SUZ12: variants seen among roughly 807,000 people sequenced by gnomAD.
SUZ12 encodes polycomb protein SUZ12.
In SUZ12, 17 loss-of-function variants were observed where a neutral mutation model predicts 87.3. The ratio of observed to expected loss-of-function variants is 0.19; its 90% CI spans 0.13 to 0.29. The LOEUF (loss-of-function observed/expected upper bound fraction) is 0.29, where lower values mean the gene tolerates loss of function less well. SUZ12 is among the 10% of genes least tolerant of loss of function. The pLI is 1.00. For missense variants in SUZ12, 526 were observed against 912.2 expected, an observed-to-expected ratio of 0.58 and a Z score of 5.45; for synonymous variants, 253 against 312.4, an observed-to-expected ratio of 0.81 and a Z score of 2.01.
At chr17:31,976,741 A>G (rs1908776566) in intron 8 of SUZ12, 127 bp downstream of exon 8, 1 of 724,266 alleles carries the variant, frequency 1.4e-6, no homozygotes, top group Non-Finnish European at 2.2e-6. Flanking sequence ...GGATGAAAAA[A>G]CAAATTTGCA....
At chr17:31,986,252 C>G (rs550563071) in intron 9 of SUZ12, among the ~76,000 whole-genome samples, 51 of 152,078 alleles carry the variant, frequency 3.4e-4, no homozygotes, top group Admixed American at 1.1e-3. Flanking sequence ...TATCTGGAAG[C>G]TCTTAACCCT....
chr17:31,965,493 T>C (rs1028054005), intron 4 of SUZ12, among the ~76,000 whole-genome samples: 3 of 152,232 alleles, frequency 2.0e-5, no homozygotes, highest in African/African-American at 7.2e-5. Flanking sequence ...TGCTTGCTTT[T>C]GCTTTTCCAT....
At chr17:31,988,633 C>A (rs1909538763) in intron 10 of SUZ12, 136 bp downstream of exon 10, 3 of 915,468 alleles carry the variant, frequency 3.3e-6, no homozygotes, top group East Asian at 3.0e-5. Flanking sequence ...TGCTCTGTTG[C>A]CCAGGCAGGA....
chr17:31,995,477 A>G (rs1460120109), intron 13 of SUZ12, 87 bp from the exon 14 acceptor site: 1 of 1,014,460 alleles, frequency 9.9e-7, no homozygotes, highest in Non-Finnish European at 1.5e-6. Context: ...GTGATGTTGC[A>G]GATTATCACA....
At chr17:31,981,312 A>G (rs1909088792) in intron 8 of SUZ12, among the ~76,000 whole-genome samples, 1 of 152,236 alleles carries the variant, frequency 6.6e-6, no homozygotes, top group Non-Finnish European at 1.5e-5. Flanking sequence ...GAAGTTTACC[A>G]AAATAGATAC....
intron 5 of SUZ12, among the ~76,000 whole-genome samples, chr17:31,969,917 T>A (rs1451640297): frequency 1.3e-5 from 2 of 152,096 alleles, no homozygotes; most frequent in African/African-American, 4.8e-5. Context: ...TTTTTTCTTC[T>A]TATTTTCTTA....
At chr17:31,938,405 A>G (rs1246485716) in intron 1 of SUZ12, among the ~76,000 whole-genome samples, 3 of 152,184 alleles carry the variant, frequency 2.0e-5, no homozygotes, top group Non-Finnish European at 2.9e-5. Flanking sequence ...TCTACCGCCC[A>G]GTGTCCTTAT....
chr17:31,973,354 G>T (rs972931108), intron 6 of SUZ12, 123 bp downstream of exon 6: 215 of 769,736 alleles, frequency 2.8e-4, no homozygotes, highest in Non-Finnish European at 3.9e-4. Flanking sequence ...GAAATGTGTT[G>T]ATGGCCTAAT....
chr17:31,961,375 C>T (rs1007457779), intron 4 of SUZ12, among the ~76,000 whole-genome samples: 6 of 152,050 alleles, frequency 3.9e-5, no homozygotes, highest in African/African-American at 1.2e-4. Context: ...GGTGAAACCT[C>T]ATCTCTACTA....
At chr17:31,974,398 G>T (rs1445682551) in intron 6 of SUZ12, among the ~76,000 whole-genome samples, 1 of 152,090 alleles carries the variant, frequency 6.6e-6, no homozygotes, top group Non-Finnish European at 1.5e-5. Context: ...GTGGTGATGG[G>T]CACCTGTAGT....
chr17:31,972,783 C>T (rs1302147785), intron 5 of SUZ12, among the ~76,000 whole-genome samples: 1 of 149,846 alleles, frequency 6.7e-6, no homozygotes, highest in Non-Finnish European at 1.5e-5. Flanking sequence ...ACTCAGGAGG[C>T]TGCCGTGCTG....
intron 4 of SUZ12, among the ~76,000 whole-genome samples, chr17:31,965,475 C>A (rs1190453521): frequency 2.4e-4 from 36 of 152,212 alleles, no homozygotes; most frequent in Admixed American, 2.3e-3. Flanking sequence ...AGCACTAGTT[C>A]TAGTTCATGC....
In SUZ12 at chr17:31,993,334, G is replaced by C; in HGVS notation, c.1293+1G>C. 6.5e-7 allele frequency: 1 copy of C among 1,528,208 alleles called. No homozygotes were observed. Among genetic ancestry groups the C allele is most frequent in the Non-Finnish European group, 8.9e-7 (1 of 1,122,474 alleles). 94.7% of individuals were successfully genotyped at this position (1,528,208 alleles called of 1,614,324 possible). A position where few individuals can be genotyped will look rare whatever the true frequency, so the allele number is the denominator to read the frequency against. On this transcript the variant is annotated splice_donor_variant, in intron 11 of 15. Coordinates refer to ENST00000322652, the MANE Select transcript of SUZ12 (RefSeq NM_015355.4). LOFTEE classifies it high-confidence loss of function. ...ACAAAAATTAAGAATATTTTATCAG[G>C]TAAACATAGCTGACCCTTCTTAAAG...
At chr17:31,959,558 A>G (rs1186639923) in intron 4 of SUZ12, among the ~76,000 whole-genome samples, 2 of 152,342 alleles carry the variant, frequency 1.3e-5, no homozygotes, top group Non-Finnish European at 2.9e-5. Flanking sequence ...ACAAAAGTTG[A>G]ATAGCTAACA....
intron 4 of SUZ12, among the ~76,000 whole-genome samples, chr17:31,960,739 G>A (rs1907659408): frequency 6.6e-6 from 1 of 151,806 alleles, no homozygotes; most frequent in Non-Finnish European, 1.5e-5. Flanking sequence ...CACCACGCCT[G>A]GCTAATTTTT....
At position 31,994,059 on chromosome 17, in the gene SUZ12, C is replaced by T. The variant is rs575976211; in HGVS notation, c.1437+51C>T. On this transcript the variant is annotated intron_variant, in intron 12 of 15. Transcript: ENST00000322652. ...ATTTGTGTTAAGAAATCTCTTGTAC[C>T]CCATAAATATATACATCTATGTACC... 100 of 1,557,600 alleles carry T rather than the reference C, an allele frequency of 6.4e-5. 1 individual carries two copies. The South Asian group carries it at 9.4e-4, about 15-fold the overall frequency.
At chr17:31,979,029 C>G (rs1005694645) in intron 8 of SUZ12, among the ~76,000 whole-genome samples, 1 of 148,548 alleles carries the variant, frequency 6.7e-6, no homozygotes, top group Non-Finnish European at 1.5e-5. Flanking sequence ...TCGCTTGAAC[C>G]CAGGAGGCGG....
At chr17:31,946,392 C>T (rs1192527988) in intron 3 of SUZ12, among the ~76,000 whole-genome samples, 6 of 152,018 alleles carry the variant, frequency 3.9e-5, no homozygotes, top group African/African-American at 1.4e-4. Flanking sequence ...ATTAGCCAGG[C>T]GTGGTGGTGC....
At chr17:31,950,057 G>A (rs370235826) in intron 4 of SUZ12, among the ~76,000 whole-genome samples, 1 of 151,896 alleles carries the variant, frequency 6.6e-6, no homozygotes, top group African/African-American at 2.4e-5. Flanking sequence ...ATGCAATGGC[G>A]TGATCTCCGC....
Sources: allele counts gnomAD v4.1 joint callset (sites outside exome capture counted in the v4.1 genomes callset), GRCh38; gene constraint gnomAD v4.1.1; transcripts MANE v1.5; gene names NCBI Gene and HGNC (gene_info 2026-07-23, HGNC 2026-07-21).